The following BCL2L11 variants were observed in gnomAD, a reference collection of about 807,000 sequenced individuals.
BCL2L11 encodes BCL2 like 11.
Under a neutral mutation model 20.6 loss-of-function variants are expected in BCL2L11, and 15 were observed. That is an observed-to-expected ratio of 0.73 (90% CI 0.49 to 1.12). The LOEUF is 1.12. Ranked by LOEUF, BCL2L11 falls within the 50% of genes most tolerant of loss-of-function variation. BCL2L11 has a pLI of 0.00. For synonymous variants in BCL2L11, 108 were observed against 92.8 expected, an observed-to-expected ratio of 1.16 and a Z score of -0.94; for missense variants, 292 against 260.9, an observed-to-expected ratio of 1.12 and a Z score of -0.82.
chr2:111,128,172 T>C (rs2073088958), intron 2 of BCL2L11, among the ~76,000 whole-genome samples: 1 of 152,164 alleles, frequency 6.6e-6, no homozygotes, highest in South Asian at 2.1e-4. Context: ...TCAGATACCT[T>C]ATATAAGTGA....
intron 3 of BCL2L11, among the ~76,000 whole-genome samples, chr2:111,158,866 A>G (rs2078213131): frequency 6.6e-6 from 1 of 151,426 alleles, no homozygotes; most frequent in Non-Finnish European, 1.5e-5. Context: ...TCTGATCTCA[A>G]CCTTTTTTTT....
chr2:111,123,579 G>A lies in BCL2L11; in HGVS notation c.-13-154G>A, dbSNP rs1486682098. On this transcript the variant is annotated intron_variant, in intron 1 of 3. Coordinates refer to ENST00000393256, the MANE Select transcript of BCL2L11 (RefSeq NM_138621.5). ...AAATTACACCTTTATTATTTTAGGT[G>A]CAATTTTTTTATTTGGGAGATTGTC... 10 of 966,252 alleles carry A rather than the reference G, an allele frequency of 1.0e-5. No homozygotes were observed. In the South Asian group the frequency reaches 3.8e-4, roughly 37 times the overall value. The allele number at this position is 966,252 out of a possible 1,614,324, so 59.9% of individuals were successfully genotyped here.
intron 2 of BCL2L11, among the ~76,000 whole-genome samples, chr2:111,143,201 C>T (rs1026982582): frequency 2.6e-5 from 4 of 152,138 alleles, no homozygotes; most frequent in African/African-American, 9.7e-5. Flanking sequence ...CAGAGACTTA[C>T]TAGGATGAAG....
At chr2:111,128,203 T>G (rs1364700495) in intron 2 of BCL2L11, among the ~76,000 whole-genome samples, 7 of 152,192 alleles carry the variant, frequency 4.6e-5, no homozygotes, top group South Asian at 2.1e-4. Context: ...GTATTTGCTC[T>G]TCCATGACAG....
intron 2 of BCL2L11, chr2:111,142,162 A>G: frequency 8.7e-6 from 6 of 691,750 alleles, no homozygotes; most frequent in South Asian, 5.5e-5. Flanking sequence ...ACCAGAACAC[A>G]GTCTTTCAGC....
chr2:111,142,055 G>C (rs2075908308), intron 2 of BCL2L11, among the ~76,000 whole-genome samples: 1 of 152,174 alleles, frequency 6.6e-6, no homozygotes, highest in African/African-American at 2.4e-5. Flanking sequence ...CTAGGATACA[G>C]ACTCACTGGG....
chr2:111,136,981 G>A (rs866627692), intron 2 of BCL2L11, among the ~76,000 whole-genome samples: 4 of 152,174 alleles, frequency 2.6e-5, no homozygotes, highest in African/African-American at 9.7e-5. Context: ...ATCTATTGCT[G>A]TAACTCCACT....
At chr2:111,145,847 C>G in intron 2 of BCL2L11, 1 of 377,004 alleles carries the variant, frequency 2.7e-6, no homozygotes, top group Non-Finnish European at 3.6e-6. Flanking sequence ...TTTGAAGATT[C>G]AGTGGACACA....
At chr2:111,135,857 T>A (rs2074780047) in intron 2 of BCL2L11, among the ~76,000 whole-genome samples, 1 of 152,158 alleles carries the variant, frequency 6.6e-6, no homozygotes, top group Non-Finnish European at 1.5e-5. Context: ...TCAGCCCCAC[T>A]AATGTAACCC....
chr2:111,150,133 T>G lies in BCL2L11; in HGVS notation c.484T>G (p.Tyr162Asp). The change falls in exon 3 of 4, where the codon TAC (tyrosine) becomes GAC (aspartate). Residue 162 changes from tyrosine to aspartate, a missense_variant. By Grantham distance (160) the Tyr-to-Asp change is radical. Coordinates refer to ENST00000393256, the MANE Select transcript of BCL2L11 (RefSeq NM_138621.5). ...GCGTATTGGAGACGAGTTTAACGCT[T>G]ACTATGCAAGGAGGGTAATGATGTT... ...LRRIGDEFNA[Y>D]YARRVFLNNY... 1 of 1,613,770 alleles carries G rather than the reference T, an allele frequency of 6.2e-7. No individual in the cohort carries two copies. Among genetic ancestry groups the G allele is most frequent in the South Asian group, 1.1e-5 (1 of 91,078 alleles).
At chr2:111,126,697 T>C (rs914382465) in intron 2 of BCL2L11, among the ~76,000 whole-genome samples, 3 of 152,218 alleles carry the variant, frequency 2.0e-5, no homozygotes, top group Non-Finnish European at 2.9e-5. Flanking sequence ...CTCTTGACTT[T>C]GTTTAGTATT....
intron 3 of BCL2L11, among the ~76,000 whole-genome samples, chr2:111,162,268 G>A (rs983149861): frequency 7.9e-5 from 12 of 152,200 alleles, no homozygotes; most frequent in Admixed American, 3.3e-4. Flanking sequence ...GCTTAAAAGC[G>A]TGTGCCATGT....
At chr2:111,130,699 A>G (rs1451681474) in intron 2 of BCL2L11, among the ~76,000 whole-genome samples, 1 of 152,210 alleles carries the variant, frequency 6.6e-6, no homozygotes, top group Non-Finnish European at 1.5e-5. Context: ...TTAGGGGGAA[A>G]GCTTTCTGTT....
intron 3 of BCL2L11, chr2:111,153,697 A>T: frequency 1.3e-6 from 2 of 1,502,842 alleles, no homozygotes; most frequent in South Asian, 2.4e-5. Flanking sequence ...GCTTAATGCT[A>T]TTACAATGCC....
At chr2:111,129,045 G>C (rs1162856909) in intron 2 of BCL2L11, among the ~76,000 whole-genome samples, 1 of 152,196 alleles carries the variant, frequency 6.6e-6, no homozygotes, top group Non-Finnish European at 1.5e-5. Context: ...TGGGTTGTTT[G>C]GTTGACTTAG....
chr2:111,121,548 TGC>T (rs1291882719), intron 1 of BCL2L11, among the ~76,000 whole-genome samples: 1 of 152,160 alleles, frequency 6.6e-6, no homozygotes, highest in Non-Finnish European at 1.5e-5. Context: ...TATCGGGCTG[TGC>T]GCCCAGCTGG....
intron 2 of BCL2L11, among the ~76,000 whole-genome samples, chr2:111,138,766 G>T (rs1320495892): frequency 6.6e-6 from 1 of 152,164 alleles, no homozygotes; most frequent in Non-Finnish European, 1.5e-5. Flanking sequence ...CAGGTTTTGG[G>T]TCGGGTCCTG....
intron 2 of BCL2L11, chr2:111,144,480 C>T: frequency 6.4e-7 from 1 of 1,550,544 alleles, no homozygotes; most frequent in Non-Finnish European, 8.7e-7. Flanking sequence ...CTCTCCTTTG[C>T]CTTATAGCTA....
intron 2 of BCL2L11, among the ~76,000 whole-genome samples, chr2:111,136,644 C>A (rs1425864398): frequency 1.3e-5 from 2 of 152,104 alleles, no homozygotes; most frequent in African/African-American, 4.8e-5. Flanking sequence ...GTGAGGGCCA[C>A]TTAGACGGCA....
Sources: gnomAD v4.1 joint callset for allele counts (sites outside exome capture counted in the v4.1 genomes callset) on GRCh38, gnomAD v4.1.1 for gene constraint, MANE v1.5 for transcripts, NCBI Gene and HGNC (gene_info 2026-07-23, HGNC 2026-07-21) for gene names.